Variants in CACNB2 observed in about 807,000 individuals in gnomAD.
CACNB2 encodes calcium voltage-gated channel auxiliary subunit beta 2, also known as voltage-dependent L-type calcium channel subunit beta-2.
CACNB2 carries 42 observed loss-of-function variants against 73.3 expected under a neutral mutation model. The observed-to-expected ratio is 0.57, with a 90% CI of 0.45 to 0.74. The LOEUF (loss-of-function observed/expected upper bound fraction) is 0.74. Among genes scored for constraint, CACNB2 ranks in the 30% least tolerant of loss-of-function variants. CACNB2 has a pLI of 0.00. For missense variants in CACNB2, 940 were observed against 853.0 expected, an observed-to-expected ratio of 1.10 and a Z score of -1.27; for synonymous variants, 348 against 310.3, an observed-to-expected ratio of 1.12 and a Z score of -1.28.
At chr10:18,463,875 C>G (rs1367461236) in intron 3 of CACNB2, among the ~76,000 whole-genome samples, 2 of 152,224 alleles carry the variant, frequency 1.3e-5, no homozygotes, top group African/African-American at 4.8e-5. Context: ...ATGCAGCCTC[C>G]TAGCTCTGCC....
At position 18,539,563 on chromosome 10, in the gene CACNB2, C is replaced by G. The variant is rs994878062; in HGVS notation, c.1822C>G (p.Arg608Gly). 16 of 1,613,652 alleles carry G rather than the reference C, an allele frequency of 9.9e-6. No homozygotes were observed. The highest frequency in any genetic ancestry group is 1.4e-5 in the Non-Finnish European group (16 of 1,179,988). ...SDHRHRESRH[R>G]SRDVDREQDH... Reference sequence around the variant, plus strand: ...CCACAGACACAGGGAGTCCCGGCACCGTTCCCGGGACGTGGATCGAGAGCA... The same window carrying G: ...CCACAGACACAGGGAGTCCCGGCACGGTTCCCGGGACGTGGATCGAGAGCA... The change falls in exon 14 of 14, where the codon CGT becomes GGT. Residue 608 changes from arginine (R) to glycine (G), a missense_variant. By Grantham distance (125) the Arg-to-Gly change is moderately radical. Coordinates refer to ENST00000324631, the MANE Select transcript of CACNB2 (RefSeq NM_201596.3).
intron 1 of CACNB2, among the ~76,000 whole-genome samples, chr10:18,149,344 A>G (rs2031302217): frequency 6.6e-6 from 1 of 152,246 alleles, no homozygotes; most frequent in South Asian, 2.1e-4. Flanking sequence ...ACACAAGTAA[A>G]AAGAATGAGC....
At chr10:18,390,630 T>G (rs1042215255) in intron 2 of CACNB2, among the ~76,000 whole-genome samples, 6 of 150,906 alleles carry the variant, frequency 4.0e-5, no homozygotes, top group African/African-American at 1.4e-4. Context: ...AAGAAATATC[T>G]TCTCCCTGTA....
At chr10:18,285,649 G>T (rs569285778) in intron 2 of CACNB2, among the ~76,000 whole-genome samples, 76 of 152,246 alleles carry the variant, frequency 5.0e-4, no homozygotes, top group South Asian at 3.3e-3. Context: ...TCAAGTTCTG[G>T]GAGAGTTTGT....
chr10:18,272,898 C>T (rs566132059), intron 2 of CACNB2, among the ~76,000 whole-genome samples: 13 of 152,204 alleles, frequency 8.5e-5, no homozygotes, highest in East Asian at 5.8e-4. Context: ...GGGTCACTAG[C>T]GTTAGGATTC....
intron 2 of CACNB2, among the ~76,000 whole-genome samples, chr10:18,171,282 G>A (rs1042425833): frequency 6.6e-6 from 1 of 152,050 alleles, no homozygotes; most frequent in African/African-American, 2.4e-5. Flanking sequence ...GATAAGTTAG[G>A]ATATTTTGGT....
At position 18,534,122 on chromosome 10, in the gene CACNB2, A is replaced by G. The variant is rs750465587; in HGVS notation, c.1101A>G (p.Thr367=). Residue 367 remains threonine, a synonymous_variant, in exon 11 of 14, where the codon ACA becomes ACG. Transcript: ENST00000324631. ...EIERIFELAR[T]LQLVVLDADT... ...AAAGGATTTTTGAACTTGCAAGAAC[A>G]TTGCAGTTGGTGGTCCTTGACGCGG... is the stretch of plus-strand genomic sequence containing the variant. The G allele has an allele frequency of 1.2e-6, 2 of 1,613,892 alleles. No individual in the cohort carries two copies. Among genetic ancestry groups the G allele is most frequent in the African/African-American group, 2.7e-5 (2 of 74,912 alleles).
rs559801002 is a variant in CACNB2 at position 18,158,786 on chromosome 10, A to T, written c.213+7811A>T. 1.4e-3 allele frequency among the ~76,000 whole-genome samples: 213 copies of T among 152,340 alleles called. 2 individuals are homozygous for T. Among genetic ancestry groups the T allele is most frequent in the Non-Finnish European group, 1.3e-4 (9 of 68,028 alleles). On this transcript the variant is annotated intron_variant, in intron 2 of 13. Transcript: ENST00000324631. ...GAAGAAAAATAGGTGGGGAAGAGTA[A>T]CAAGTCCTGCTTGGCATGGATGGGT... is the stretch of plus-strand genomic sequence containing the variant.
intron 9 of CACNB2, among the ~76,000 whole-genome samples, chr10:18,522,877 CAAAAAAAAAAAAAAAAAAAAAA>C (rs10528720): frequency 5.1e-5 from 4 of 77,816 alleles, no homozygotes; most frequent in Admixed American, 2.8e-4. Flanking sequence ...GACTCTGTCT[CAAAAAAAAAAAAAAAAAAAAAA>C]AAAAAAAAAA....
intron 2 of CACNB2, among the ~76,000 whole-genome samples, chr10:18,299,200 A>G (rs867827338): frequency 2.0e-5 from 3 of 152,238 alleles, no homozygotes; most frequent in African/African-American, 7.2e-5. Context: ...CAGAAGTCGC[A>G]TATAATGCCT....
chr10:18,407,752 A>T (rs1422048217), intron 3 of CACNB2, among the ~76,000 whole-genome samples: 1 of 152,078 alleles, frequency 6.6e-6, no homozygotes. Flanking sequence ...TCAACTTCTA[A>T]CCCATCTGCT....
intron 2 of CACNB2, among the ~76,000 whole-genome samples, chr10:18,227,810 C>T (rs1489555907): frequency 6.6e-6 from 1 of 152,160 alleles, no homozygotes; most frequent in Non-Finnish European, 1.5e-5. Context: ...TGTTGTCATA[C>T]AAGAGACAGT....
At chr10:18,376,945 G>A (rs1266555639) in intron 2 of CACNB2, among the ~76,000 whole-genome samples, 4 of 152,288 alleles carry the variant, frequency 2.6e-5, no homozygotes, top group South Asian at 4.1e-4. Context: ...CCAAGATGGC[G>A]ATGTTCCTGC....
At chr10:18,460,109 C>T (rs529751910) in intron 3 of CACNB2, among the ~76,000 whole-genome samples, 1 of 152,276 alleles carries the variant, frequency 6.6e-6, no homozygotes, top group African/African-American at 2.4e-5. Context: ...TACACACGTA[C>T]ACACATATTC....
At chr10:18,351,062 A>G (rs1232826574) in intron 2 of CACNB2, among the ~76,000 whole-genome samples, 1 of 152,216 alleles carries the variant, frequency 6.6e-6, no homozygotes, top group East Asian at 1.9e-4. Context: ...TTGGAAAAAC[A>G]ATAGCATAGA....
chr10:18,277,869 T>C (rs2038368006), intron 2 of CACNB2, among the ~76,000 whole-genome samples: 1 of 152,182 alleles, frequency 6.6e-6, no homozygotes, highest in Non-Finnish European at 1.5e-5. Flanking sequence ...GATTCCTGAG[T>C]CAATCTGTTA....
chr10:18,202,464 A>G (rs1440323701), intron 2 of CACNB2, among the ~76,000 whole-genome samples: 2 of 152,190 alleles, frequency 1.3e-5, no homozygotes, highest in African/African-American at 4.8e-5. Flanking sequence ...GGTCAAAAAT[A>G]TCCTCGGTGT....
intron 3 of CACNB2, among the ~76,000 whole-genome samples, chr10:18,443,018 A>ATATATATATATATG (rs1564554330): frequency 1.4e-5 from 1 of 69,966 alleles, no homozygotes; most frequent in Non-Finnish European, 2.9e-5. Flanking sequence ...ATATATGTAT[A>ATATATATATATATG]TATATATATA....
Position 18,538,238 on chromosome 10 carries a change from C to G in CACNB2, c.1361C>G (p.Ala454Gly), listed in dbSNP as rs2053799071. ...CTTGAGGATGCCTGTGAGCACCTTGCCGACTATCTGGAGGCCTACTGGAAG... is the reference window on the plus strand; with the variant it reads ...CTTGAGGATGCCTGTGAGCACCTTGGCGACTATCTGGAGGCCTACTGGAAG... ...NQLEDACEHL[A>G]DYLEAYWKAT... Residue 454 changes from alanine to glycine, a missense_variant, in exon 13 of 14, where the codon GCC (alanine) becomes GGC (glycine). Coordinates refer to ENST00000324631, the MANE Select transcript of CACNB2 (RefSeq NM_201596.3). The G allele has an allele frequency of 1.2e-6, 2 of 1,613,998 alleles. No homozygotes were observed. Among genetic ancestry groups the G allele is most frequent in the Admixed American group, 1.7e-5 (1 of 59,990 alleles).
Sources: allele counts gnomAD v4.1 joint callset (sites outside exome capture counted in the v4.1 genomes callset), GRCh38; gene constraint gnomAD v4.1.1; transcripts MANE v1.5; gene names NCBI Gene and HGNC (gene_info 2026-07-23, HGNC 2026-07-21).